The following PCNX3 variants were observed in gnomAD, a reference collection of about 807,000 sequenced individuals.
The protein encoded by PCNX3 is pecanex-like protein 3.
Under a neutral mutation model 207.2 loss-of-function variants are expected in PCNX3, and 58 were observed. The observed-to-expected ratio is 0.28, with a 90% CI of 0.23 to 0.35. The LOEUF (loss-of-function observed/expected upper bound fraction) is 0.35, where lower values mean the gene tolerates loss of function less well. Ranked by LOEUF, PCNX3 falls within the 10% of genes least tolerant of loss-of-function variation. PCNX3 has a pLI of 1.00. For missense variants in PCNX3, 2,410 were observed against 2,774.4 expected (o/e 0.87, Z 2.95); for synonymous variants, 1,337 against 1,183.5 (o/e 1.13, Z -2.66).
At position 65,622,329 on chromosome 11, in the gene PCNX3, C is replaced by T. The variant is rs1214478936; in HGVS notation, c.2320C>T (p.Arg774Cys). 3.6e-5 allele frequency: 57 copies of T among 1,596,468 alleles called. No homozygotes were observed. Among genetic ancestry groups the T allele is most frequent in the East Asian group, 4.5e-5 (2 of 43,990 alleles). Residue 774 changes from arginine (R) to cysteine (C), a missense_variant, in exon 11 of 35, where the codon CGC (arginine) becomes TGC (cysteine). Transcript: ENST00000355703. ...WLLPGRWTSVRYERLALLALL... is the reference protein window; with the variant it reads ...WLLPGRWTSVCYERLALLALL... The stretch of plus-strand genomic sequence containing the variant: ...TCTCCCTGGCCGCTGGACCTCTGTG[C>T]GCTATGAGCGGCTTGCCCTGCTGGC...
At chr11:65,619,427 C>G in intron 6 of PCNX3, 110 bp from the exon 7 acceptor site, 3 of 1,485,796 alleles carry the variant, frequency 2.0e-6, no homozygotes, top group Non-Finnish European at 2.7e-6. Flanking sequence ...AGAGCCGGGG[C>G]GTGGTTGTAC....
At position 65,635,280 on chromosome 11, in the gene PCNX3, C is replaced by T; in HGVS notation, c.5016C>T (p.Ala1672=). The stretch of plus-strand genomic sequence containing the variant: ...CAGCCCTATACGATGCCATTGCGGC[C>T]AACGAGGAGCGGCTGGTCATCTCAC... ...EPAALYDAIA[A]NEERLVISHE... The change falls in exon 31 of 35, where the codon GCC becomes GCT. Residue 1672 remains alanine (A), a synonymous_variant. Coordinates refer to ENST00000355703, the MANE Select transcript of PCNX3 (RefSeq NM_032223.4). This position sits in a 1 kb window ranked among gnomAD's most constrained non-coding sequence, Gnocchi z 9.9. 6.3e-7 allele frequency: 1 copy of T among 1,591,976 alleles called. No individual in the cohort carries two copies. Among genetic ancestry groups the T allele is most frequent in the Non-Finnish European group, 8.5e-7 (1 of 1,169,768 alleles).
At chr11:65,629,070 G>T in intron 24 of PCNX3, 122 bp downstream of exon 24, 1 of 1,383,966 alleles carries the variant, frequency 7.2e-7, no homozygotes, top group Non-Finnish European at 9.7e-7. Context: ...GTCACAGTGG[G>T]GACACATGAG....
intron 10 of PCNX3, among the ~76,000 whole-genome samples, chr11:65,621,779 G>A (rs759518858): frequency 6.6e-6 from 1 of 152,246 alleles, no homozygotes; most frequent in Non-Finnish European, 1.5e-5. Flanking sequence ...TGTGCCCAGG[G>A]CCTCAGGGCT....
At chr11:65,626,495 T>C (rs1280139784) in intron 20 of PCNX3, 1 of 395,642 alleles carries the variant, frequency 2.5e-6, no homozygotes, top group Non-Finnish European at 4.8e-6. Flanking sequence ...TCTTGAGTTT[T>C]TCTTAAACGA....
At chr11:65,616,508 G>A in intron 1 of PCNX3, 44 bp downstream of exon 1, 1 of 1,562,270 alleles carries the variant, frequency 6.4e-7, no homozygotes, top group Non-Finnish European at 8.7e-7. Flanking sequence ...GGAGAGGGAG[G>A]GCAGCCTGGC....
At chr11:65,626,504 G>A (rs1302774678) in intron 20 of PCNX3, 1 of 398,068 alleles carries the variant, frequency 2.5e-6, no homozygotes, top group Non-Finnish European at 4.8e-6. Context: ...TTTCTTAAAC[G>A]ACAGAAGATT....
chr11:65,617,123 C>T (rs1227162604), intron 2 of PCNX3, 112 bp downstream of exon 2: 42 of 1,388,932 alleles, frequency 3.0e-5, no homozygotes, highest in Non-Finnish European at 4.0e-5. Flanking sequence ...TGATTGTGAA[C>T]ACTTGTCCTG....
chr11:65,622,123 A>G (rs545573686), intron 10 of PCNX3, 122 bp from the exon 11 acceptor site: 76 of 1,433,894 alleles, frequency 5.3e-5, no homozygotes, highest in East Asian at 1.1e-4. Context: ...GAAATGGTCA[A>G]CCAGACCGGT....
rs1036481027 is a variant in PCNX3 at position 65,620,819 on chromosome 11, C to T, written c.2100-12C>T. ...GCCCGTGGGGGGATCCTGATGGCTG[C>T]TGTTCTCACAGGGACCGACACTCGC... On this transcript the variant is annotated splice_polypyrimidine_tract_variant and intron_variant, in intron 9 of 34. Coordinates refer to ENST00000355703, the MANE Select transcript of PCNX3 (RefSeq NM_032223.4). The T allele has an allele frequency of 3.1e-6, 5 of 1,594,212 alleles. No individual in the cohort carries two copies. In the Admixed American group the frequency reaches 6.9e-5, roughly 22 times the overall value.
In PCNX3 at chr11:65,622,352, G is replaced by A. The variant is rs1383618223; in HGVS notation, c.2343G>A (p.Leu781=). 1 of 1,592,452 alleles carries A rather than the reference G, an allele frequency of 6.3e-7. No homozygotes were observed. Among genetic ancestry groups the A allele is most frequent in the South Asian group, 1.1e-5 (1 of 87,444 alleles). ...TSVRYERLAL[L]ALLDRTRGVL... is the part of the protein sequence containing the mutation. ...TGCGCTATGAGCGGCTTGCCCTGCT[G>A]GCTCTGCTGGACCGGTGAGTGTCCC... The change falls in exon 11 of 35, where the codon CTG becomes CTA. Residue 781 remains leucine (L), a synonymous_variant. Transcript: ENST00000355703.
In PCNX3 at chr11:65,625,612, C is replaced by G; in HGVS notation, c.3136-40C>G. 1 of 1,598,322 alleles carries G rather than the reference C, an allele frequency of 6.3e-7. No homozygotes were observed. The highest frequency in any genetic ancestry group is 8.5e-7 in the Non-Finnish European group (1 of 1,170,398). ...TGGGCTGCTGGGCAGCTGAGTGTCTCTCCTGGCCGGGCAGCTGAATGTCTC... is the reference window on the plus strand; with the variant it reads ...TGGGCTGCTGGGCAGCTGAGTGTCTGTCCTGGCCGGGCAGCTGAATGTCTC... On this transcript the variant is annotated intron_variant, in intron 18 of 34. Coordinates refer to ENST00000355703, the MANE Select transcript of PCNX3 (RefSeq NM_032223.4). The surrounding 1 kb of genome is among the most constrained non-coding windows in gnomAD (Gnocchi z 5.6).
In PCNX3 at chr11:65,629,474, G is replaced by A. The variant is rs1037320337; in HGVS notation, c.4001-46G>A. On this transcript the variant is annotated intron_variant, in intron 25 of 34. Coordinates refer to ENST00000355703, the MANE Select transcript of PCNX3 (RefSeq NM_032223.4). The stretch of plus-strand genomic sequence containing the variant: ...AGGGCCTCCCTGGGGAGGGAGCCTC[G>A]CTAACTTGTCACTTTGTCCATTTGC... The A allele has an allele frequency of 3.7e-6, 6 of 1,611,072 alleles. No individual in the cohort carries two copies. The Admixed American group carries it at 6.7e-5, about 18-fold the overall frequency.
At position 65,637,136 on chromosome 11, in the gene PCNX3, C is replaced by G. The variant is rs1855882744; in HGVS notation, c.*158C>G. 1 of 780,078 alleles carries G rather than the reference C, an allele frequency of 1.3e-6. No individual in the cohort carries two copies. Among genetic ancestry groups the G allele is most frequent in the African/African-American group, 1.7e-5 (1 of 57,458 alleles). 48.3% of individuals were successfully genotyped at this position (780,078 alleles called of 1,614,324 possible). On this transcript the variant is annotated 3_prime_UTR_variant, in exon 35 of 35. Transcript: ENST00000355703. ...AGTACCAAAACTGAGTGACCCAGAC[C>G]TCTGACCTTGACCCCTGATCTCTCT...
At chr11:65,623,446 A>C in intron 11 of PCNX3, 45 bp from the exon 12 acceptor site, 1 of 1,537,454 alleles carries the variant, frequency 6.5e-7, no homozygotes, top group Non-Finnish European at 8.8e-7. Flanking sequence ...GCCCCACTGG[A>C]AGGTGAGGCA....
Position 65,619,082 on chromosome 11 carries a change from T to C in PCNX3, c.1705+15T>C, listed in dbSNP as rs1267632570. 1.3e-6 allele frequency: 2 copies of C among 1,570,768 alleles called. No individual in the cohort carries two copies. The highest frequency in any genetic ancestry group is 1.7e-6 in the Non-Finnish European group (2 of 1,162,162). ...TGTGGGGGGAGGTGAGTGCTTGCTC[T>C]AGAGGCAGGGGCTGGGGGACGTGAG... On this transcript the variant is annotated intron_variant, in intron 6 of 34. Coordinates refer to ENST00000355703, the MANE Select transcript of PCNX3 (RefSeq NM_032223.4).
At chr11:65,627,256 TAA>T in intron 21 of PCNX3, 147 bp from the exon 22 acceptor site, 1 of 1,139,088 alleles carries the variant, frequency 8.8e-7, no homozygotes, top group Non-Finnish European at 1.2e-6. Flanking sequence ...GAGCAGAGAC[TAA>T]GAGTCACGGG....
At chr11:65,624,714 C>A in intron 15 of PCNX3, 133 bp downstream of exon 15, 1 of 958,782 alleles carries the variant, frequency 1.0e-6, no homozygotes, top group Non-Finnish European at 1.5e-6. Context: ...TTTCTGCCTT[C>A]TCCCCTCTCC....
At chr11:65,627,365 G>A (rs767863883) in intron 21 of PCNX3, 40 bp from the exon 22 acceptor site, 10 of 1,591,932 alleles carry the variant, frequency 6.3e-6, no homozygotes, top group Admixed American at 1.7e-5. Flanking sequence ...CACTGCCCCG[G>A]TCCCCTACCA....
Sources: allele counts gnomAD v4.1 joint callset (sites outside exome capture counted in the v4.1 genomes callset), GRCh38; gene constraint gnomAD v4.1.1; non-coding constraint Gnocchi (gnomAD v3.1); transcripts MANE v1.5; gene names NCBI Gene and HGNC (gene_info 2026-07-23, HGNC 2026-07-21).